RORB: variants seen among roughly 807,000 people sequenced by gnomAD.
The protein encoded by RORB is RAR related orphan receptor B.
Under a neutral mutation model 59.1 loss-of-function variants are expected in RORB, and 6 were observed. The observed-to-expected ratio is 0.10, with a 90% confidence interval of 0.06 to 0.20. RORB has a LOEUF of 0.20. Ranked by LOEUF, RORB falls within the 10% of genes least tolerant of loss-of-function variation. The pLI, the probability that RORB is intolerant of heterozygous loss-of-function variation, is 1.00. For synonymous variants in RORB, 215 were observed against 204.5 expected, an observed-to-expected ratio of 1.05 and a Z score of -0.44; for missense variants, 320 against 560.5, an observed-to-expected ratio of 0.57 and a Z score of 4.33.
rs774553218 is a variant in RORB, at chr9:74,642,790, A to G, written c.612A>G (p.Ala204=). Reference sequence around the variant, plus strand: ...GCTCTTTCAACAATGGGCAGTTAGCACCAGGGATAACCATGACTGAAATCG... The same window carrying G: ...GCTCTTTCAACAATGGGCAGTTAGCGCCAGGGATAACCATGACTGAAATCG... ...TYSSFNNGQL[A]PGITMTEIDR... is the part of the protein sequence containing the mutation. Residue 204 remains alanine (A), a synonymous_variant, in exon 4 of 10, where the codon GCA becomes GCG. Transcript: ENST00000376896. The G allele has an allele frequency of 6.3e-7, 1 of 1,595,084 alleles. No individual in the cohort carries two copies. The highest frequency in any genetic ancestry group is 1.3e-5 in the African/African-American group (1 of 74,586).
intron 1 of RORB, among the ~76,000 whole-genome samples, chr9:74,574,504 G>A (rs1007121444): frequency 2.6e-5 from 4 of 151,708 alleles, no homozygotes; most frequent in Admixed American, 2.6e-4. Flanking sequence ...TAGCATTAAG[G>A]AGCTCTAAAA....
chr9:74,608,479 G>A (rs1021098854), intron 1 of RORB, among the ~76,000 whole-genome samples: 2 of 151,460 alleles, frequency 1.3e-5, no homozygotes, highest in African/African-American at 4.9e-5. Flanking sequence ...CAGGAGAATG[G>A]CGTGAACCCG....
chr9:74,643,027 A>C (rs1462161819), intron 4 of RORB, among the ~76,000 whole-genome samples: 1 of 152,208 alleles, frequency 6.6e-6, no homozygotes, highest in Non-Finnish European at 1.5e-5. Flanking sequence ...GGAAGAAAGA[A>C]GAAATTATAA....
Position 74,662,570 on chromosome 9 carries a change from C to T in RORB, c.856C>T (p.Leu286Phe), listed in dbSNP as rs1160695348. The stretch of plus-strand genomic sequence containing the variant: ...AAAGCGGATAACAGGCTTCATGGAG[C>T]TCTGTCAAAATGATCAAATTCTACT... ...FAKRITGFME[L>F]CQNDQILLLK... Residue 286 changes from leucine to phenylalanine, a missense_variant, in exon 6 of 10, where the codon CTC (leucine) becomes TTC (phenylalanine). This residue lies in a region of RORB where 40 missense variants were observed against 116.9 expected (regional missense o/e 0.34). Transcript: ENST00000376896. 3 of 1,613,872 alleles carry T rather than the reference C, an allele frequency of 1.9e-6. No individual in the cohort carries two copies. The highest frequency in any genetic ancestry group is 3.3e-5 in the Admixed American group (2 of 59,992).
At chr9:74,578,465 C>T (rs1223052356) in intron 1 of RORB, among the ~76,000 whole-genome samples, 2 of 151,940 alleles carry the variant, frequency 1.3e-5, no homozygotes, top group East Asian at 1.9e-4. Context: ...CAAAGACAAC[C>T]GTGTAAAAAC....
chr9:74,619,382 T>C (rs1434546935), intron 1 of RORB, among the ~76,000 whole-genome samples: 3 of 152,204 alleles, frequency 2.0e-5, no homozygotes, highest in Admixed American at 2.0e-4. Context: ...AGAATTATAG[T>C]ATTCATTGTG....
intron 1 of RORB, among the ~76,000 whole-genome samples, chr9:74,517,766 T>C (rs1017096058): frequency 6.6e-6 from 1 of 151,968 alleles, no homozygotes; most frequent in Non-Finnish European, 1.5e-5. Context: ...ATTATAAATG[T>C]GTAATATAAA....
chr9:74,601,411 GAGA>G (rs755824162), intron 1 of RORB, among the ~76,000 whole-genome samples: 3 of 150,212 alleles, frequency 2.0e-5, no homozygotes, highest in Non-Finnish European at 4.4e-5. Flanking sequence ...TTTAGTTGCA[GAGA>G]AGGTTTTCAA....
At chr9:74,535,602 T>C (rs1412586001) in intron 1 of RORB, among the ~76,000 whole-genome samples, 1 of 152,044 alleles carries the variant, frequency 6.6e-6, no homozygotes, top group Non-Finnish European at 1.5e-5. Flanking sequence ...ATGGTTTTGA[T>C]ATTTGATATT....
intron 1 of RORB, among the ~76,000 whole-genome samples, chr9:74,518,987 C>G (rs1184927887): frequency 6.6e-6 from 1 of 151,796 alleles, no homozygotes; most frequent in South Asian, 2.1e-4. Flanking sequence ...AGGTAAGGGT[C>G]GTGTATATCA....
chr9:74,681,428 C>T (rs570689856), intron 9 of RORB, among the ~76,000 whole-genome samples: 1 of 152,304 alleles, frequency 6.6e-6, no homozygotes, highest in African/African-American at 2.4e-5. Flanking sequence ...TTTCCACAGC[C>T]GACTGGGTGT....
In RORB at chr9:74,665,614, A is replaced by G. The variant is rs370087623; in HGVS notation, c.1000+19A>G. The G allele has an allele frequency of 5.9e-5, 87 of 1,478,184 alleles. 1 individual carries two copies. The Middle Eastern group carries it at 2.1e-3, about 35-fold the overall frequency. 91.6% of individuals were successfully genotyped at this position (1,478,184 alleles called of 1,614,324 possible). Reference sequence around the variant, plus strand: ...GCCTTAGGTAAGTTTCCCTTTGATGAGGACACAATTTTATTAGCCACCATC... The same window carrying G: ...GCCTTAGGTAAGTTTCCCTTTGATGGGGACACAATTTTATTAGCCACCATC... On this transcript the variant is annotated intron_variant, in intron 7 of 9. Transcript: ENST00000376896.
chr9:74,520,092 T>A (rs1826064279), intron 1 of RORB, among the ~76,000 whole-genome samples: 1 of 151,806 alleles, frequency 6.6e-6, no homozygotes, highest in Non-Finnish European at 1.5e-5. Context: ...CCCTTAAGGA[T>A]TTCGCAGACG....
At chr9:74,516,926 A>AT (rs1826019117) in intron 1 of RORB, among the ~76,000 whole-genome samples, 1 of 151,954 alleles carries the variant, frequency 6.6e-6, no homozygotes, top group Non-Finnish European at 1.5e-5. Context: ...TATTATACCC[A>AT]TTGTGTTTTT....
intron 1 of RORB, among the ~76,000 whole-genome samples, chr9:74,554,329 G>A (rs1312643683): frequency 1.3e-5 from 2 of 152,154 alleles, no homozygotes; most frequent in South Asian, 4.1e-4. Flanking sequence ...AACCTGAGAA[G>A]CCCAGGTTAG....
At chr9:74,590,766 G>GT (rs1171909279) in intron 1 of RORB, among the ~76,000 whole-genome samples, 1 of 151,668 alleles carries the variant, frequency 6.6e-6, no homozygotes, top group African/African-American at 2.4e-5. Flanking sequence ...TTCCTAATCT[G>GT]TTTTTTTGTT....
intron 1 of RORB, among the ~76,000 whole-genome samples, chr9:74,591,858 T>A (rs1822900980): frequency 6.6e-6 from 1 of 152,076 alleles, no homozygotes; most frequent in Admixed American, 6.6e-5. Flanking sequence ...TCACATTATT[T>A]CTAAAGTTTA....
chr9:74,658,420 C>T (rs1464158086), intron 4 of RORB, among the ~76,000 whole-genome samples: 1 of 152,232 alleles, frequency 6.6e-6, no homozygotes, highest in East Asian at 1.9e-4. Context: ...CCTCATAAAC[C>T]ATAGACTCCT....
At chr9:74,627,118 C>T (rs1410268251) in intron 1 of RORB, among the ~76,000 whole-genome samples, 4 of 149,356 alleles carry the variant, frequency 2.7e-5, no homozygotes, top group Non-Finnish European at 4.4e-5. Context: ...GCTGAGATCG[C>T]GCCACTCCAC....
Sources: allele counts gnomAD v4.1 joint callset (sites outside exome capture counted in the v4.1 genomes callset), GRCh38; gene constraint gnomAD v4.1.1; regional missense constraint gnomAD v4.1.1; transcripts MANE v1.5; gene names NCBI Gene and HGNC (gene_info 2026-07-23, HGNC 2026-07-21).